The following BAZ2B variants were observed in gnomAD, a reference collection of about 807,000 sequenced individuals.
BAZ2B encodes the protein bromodomain adjacent to zinc finger domain protein 2B.
A neutral mutation model predicts 246.0 loss-of-function variants in BAZ2B; 91 were observed. The ratio of observed to expected loss-of-function variants is 0.37; its 90% CI spans 0.31 to 0.44. The LOEUF (loss-of-function observed/expected upper bound fraction) is 0.44. Among genes scored for constraint, BAZ2B ranks in the 20% least tolerant of loss-of-function variants. BAZ2B has a pLI of 1.00. For synonymous variants in BAZ2B, 855 were observed against 860.0 expected (o/e 0.99, Z 0.10); for missense variants, 2,332 against 2,533.7 (o/e 0.92, Z 1.71).
Position 159,337,748 on chromosome 2 carries a change from A to C in BAZ2B, c.5479T>G (p.Ser1827Ala). 6.2e-7 allele frequency: 1 copy of C among 1,614,110 alleles called. No individual in the cohort carries two copies. Among genetic ancestry groups the C allele is most frequent in the Non-Finnish European group, 8.5e-7 (1 of 1,179,984 alleles). Reference sequence around the variant, plus strand: ...AAATATACCAAGTCCTCCCTTTCTGATGCAGGCTCTGGACACATCCAACCC... The same window carrying C: ...AAATATACCAAGTCCTCCCTTTCTGCTGCAGGCTCTGGACACATCCAACCC... ...VKGWMCPEPASEREDLVYFEH... is the reference protein window; with the variant it reads ...VKGWMCPEPAAEREDLVYFEH... Residue 1827 changes from serine to alanine, a missense_variant, in exon 32 of 37, where the codon TCA (serine) becomes GCA (alanine). Physicochemically the swap from Ser to Ala is moderately conservative, Grantham distance 99 (BLOSUM62 1). Coordinates refer to ENST00000392783, the MANE Select transcript of BAZ2B (RefSeq NM_013450.4).
chr2:159,555,352 A>G (rs888879516), intron 2 of BAZ2B: 6 of 152,074 alleles, frequency 3.9e-5, no homozygotes, highest in African/African-American at 1.4e-4. Flanking sequence ...CGGCCTCCCA[A>G]AGTGCTGGGA....
chr2:159,697,165 A>T, the BAZ2B span, among the ~76,000 whole-genome samples: 1 of 152,128 alleles, frequency 6.6e-6, no homozygotes, highest in Non-Finnish European at 1.5e-5. Flanking sequence ...TGCATTTGCC[A>T]CTACTTTAGC....
intron 2 of BAZ2B, among the ~76,000 whole-genome samples, chr2:159,524,588 T>C (rs1471316369): frequency 6.6e-6 from 1 of 152,096 alleles, no homozygotes; most frequent in Non-Finnish European, 1.5e-5. Flanking sequence ...CACTCTGACC[T>C]GAGAAAAGGG....
chr2:159,349,595 A>G (rs2058344156), intron 28 of BAZ2B, 113 bp downstream of exon 28: 4 of 1,216,258 alleles, frequency 3.3e-6, no homozygotes, highest in Non-Finnish European at 4.5e-6. Flanking sequence ...TAGTTTTCAA[A>G]CTGTAGCAGG....
At chr2:159,361,970 G>C (rs763761530) in intron 27 of BAZ2B, among the ~76,000 whole-genome samples, 1 of 151,916 alleles carries the variant, frequency 6.6e-6, no homozygotes, top group Non-Finnish European at 1.5e-5. Context: ...GTGAGGGTCT[G>C]GGGGAGGGAT....
intron 1 of BAZ2B, among the ~76,000 whole-genome samples, chr2:159,580,685 C>T (rs147111296): frequency 0.063 from 9,635 of 152,210 alleles, 379 homozygotes; most frequent in Non-Finnish European, 0.091. Context: ...GCTACAGTAA[C>T]CAAAACAGCA....
At chr2:159,424,289 CTT>C (rs930997588) in intron 13 of BAZ2B, among the ~76,000 whole-genome samples, 4 of 151,976 alleles carry the variant, frequency 2.6e-5, no homozygotes, top group Admixed American at 6.6e-5. Flanking sequence ...GCTGTATAGA[CTT>C]TGGGGGTGAG....
At chr2:159,637,782 G>A in the BAZ2B span, among the ~76,000 whole-genome samples, 4 of 152,056 alleles carry the variant, frequency 2.6e-5, no homozygotes, top group Non-Finnish European at 5.9e-5. Flanking sequence ...CACTGGTCTC[G>A]AACTTGTGAG....
chr2:159,460,636 TATG>T, intron 3 of BAZ2B: 1 of 152,202 alleles, frequency 6.6e-6, no homozygotes, highest in Middle Eastern at 3.4e-3. Context: ...ATAAAGTTGT[TATG>T]AGGACTTTAA....
chr2:159,574,611 T>C (rs796754436), intron 1 of BAZ2B, among the ~76,000 whole-genome samples: 9 of 152,304 alleles, frequency 5.9e-5, no homozygotes, highest in African/African-American at 2.2e-4. Context: ...ACATTATTCA[T>C]AATTATTCAA....
chr2:159,535,899 G>T (rs1251803127), intron 2 of BAZ2B, among the ~76,000 whole-genome samples: 5 of 152,198 alleles, frequency 3.3e-5, no homozygotes, highest in Non-Finnish European at 7.3e-5. Context: ...ATATCTGTGT[G>T]GCAAAGGTTT....
At chr2:159,551,141 G>T (rs1424574075) in intron 2 of BAZ2B, among the ~76,000 whole-genome samples, 1 of 150,968 alleles carries the variant, frequency 6.6e-6, no homozygotes, top group African/African-American at 2.4e-5. Flanking sequence ...GCCCAGGCAA[G>T]AAATTTTAAT....
upstream of BAZ2B, among the ~76,000 whole-genome samples, chr2:159,618,579 T>G (rs948443685): frequency 6.6e-6 from 1 of 152,126 alleles, no homozygotes; most frequent in South Asian, 2.1e-4. Flanking sequence ...AGTTAATGCA[T>G]TGTTCTATAA....
chr2:159,468,472 T>G (rs1374208277), intron 3 of BAZ2B, among the ~76,000 whole-genome samples: 1 of 152,100 alleles, frequency 6.6e-6, no homozygotes, highest in Non-Finnish European at 1.5e-5. Context: ...GCCAAAAGAA[T>G]CATAGCACAA....
chr2:159,707,983 C>T, the BAZ2B span, among the ~76,000 whole-genome samples: 1 of 152,164 alleles, frequency 6.6e-6, no homozygotes, highest in South Asian at 2.1e-4. Flanking sequence ...AAGAGTGAGA[C>T]TCTGTCTCCA....
rs577054595 is a variant in BAZ2B, at chr2:159,441,216, G to A, written c.697-2004C>T. Among the ~76,000 whole-genome samples, 7 of 152,238 alleles carry A rather than the reference G, an allele frequency of 4.6e-5. 1 individual carries two copies. The South Asian group carries it at 1.5e-3, about 32-fold the overall frequency. ...AAGAGAGCTACAGTGATTTAGCAGA[G>A]AAAAATTAACTCCTATTTAAATGCC... On this transcript the variant is annotated intron_variant, in intron 6 of 36. Coordinates refer to ENST00000392783, the MANE Select transcript of BAZ2B (RefSeq NM_013450.4).
At chr2:159,337,314 A>G in intron 32 of BAZ2B, 1 of 1,135,878 alleles carries the variant, frequency 8.8e-7, no homozygotes, top group Non-Finnish European at 1.2e-6. Flanking sequence ...ACATAACAAA[A>G]AAAAAGTTTT....
At chr2:159,567,755 C>T (rs552688018) in intron 1 of BAZ2B, among the ~76,000 whole-genome samples, 2 of 152,210 alleles carry the variant, frequency 1.3e-5, no homozygotes, top group South Asian at 2.1e-4. Flanking sequence ...GGGCAGCTCA[C>T]GAGGTCAAGA....
intron 25 of BAZ2B, among the ~76,000 whole-genome samples, chr2:159,376,065 G>A (rs1341971950): frequency 6.6e-6 from 1 of 152,184 alleles, no homozygotes; most frequent in African/African-American, 2.4e-5. Context: ...GTAGGTTTTA[G>A]AGGGAAAGCA....
Sources: allele counts gnomAD v4.1 joint callset (sites outside exome capture counted in the v4.1 genomes callset), GRCh38; gene constraint gnomAD v4.1.1; transcripts MANE v1.5; gene names NCBI Gene and HGNC (gene_info 2026-07-23, HGNC 2026-07-21).